NRXN3: variants seen among roughly 807,000 people sequenced by gnomAD.
NRXN3 encodes neurexin III.
In NRXN3, 32 loss-of-function variants were observed where a neutral mutation model predicts 137.6. The observed-to-expected ratio is 0.23, with a 90% CI of 0.18 to 0.31. The LOEUF is 0.31. Ranked by LOEUF, NRXN3 falls within the 10% of genes least tolerant of loss-of-function variation. NRXN3 has a pLI of 1.00. For missense variants in NRXN3, 1,574 were observed against 2,062.5 expected (o/e 0.76, Z 4.59); for synonymous variants, 798 against 784.5 (o/e 1.02, Z -0.29).
chr14:79,469,250 A>G (rs910800685), intron 16 of NRXN3, among the ~76,000 whole-genome samples: 4 of 152,210 alleles, frequency 2.6e-5, no homozygotes, highest in African/African-American at 9.6e-5. Flanking sequence ...CATGTTTTGT[A>G]GAACATCTCC....
intron 18 of NRXN3, among the ~76,000 whole-genome samples, chr14:79,695,636 A>G (rs1293622063): frequency 1.5e-5 from 2 of 132,344 alleles, no homozygotes; most frequent in Non-Finnish European, 3.1e-5. Context: ...CAGGGCTTCC[A>G]GAAAAAAAAA....
At chr14:78,651,358 A>C (rs978198392) in intron 6 of NRXN3, 32 bp downstream of exon 6, 1 of 1,604,080 alleles carries the variant, frequency 6.2e-7, no homozygotes, top group African/African-American at 1.3e-5. Flanking sequence ...TTAATGCACC[A>C]TGTGATTGTT....
At chr14:78,912,312 A>AT (rs903197205) in intron 10 of NRXN3, among the ~76,000 whole-genome samples, 55 of 149,204 alleles carry the variant, frequency 3.7e-4, no homozygotes, top group Admixed American at 1.0e-3. Context: ...ACAAATTGGT[A>AT]TTTTTTTTTA....
At chr14:78,224,750 CTTTT>C (rs35800837) in intron 1 of NRXN3, among the ~76,000 whole-genome samples, 1 of 64,828 alleles carries the variant, frequency 1.5e-5, no homozygotes, top group Non-Finnish European at 2.6e-5. Flanking sequence ...GTGCATGTGT[CTTTT>C]TTTTTTTTTT....
intron 15 of NRXN3, among the ~76,000 whole-genome samples, chr14:79,096,646 A>G (rs2050398441): frequency 6.6e-6 from 1 of 151,852 alleles, no homozygotes; most frequent in East Asian, 1.9e-4. Context: ...CAGCCACCAT[A>G]CTTGGCTCTC....
intron 15 of NRXN3, among the ~76,000 whole-genome samples, chr14:79,276,759 AT>A (rs2080348253): frequency 6.6e-6 from 1 of 151,852 alleles, no homozygotes; most frequent in Non-Finnish European, 1.5e-5. Flanking sequence ...TGGTCAGTTT[AT>A]CAACTCTGGA....
At chr14:78,709,141 C>T (rs1201318471) in intron 6 of NRXN3, 76 bp from the exon 7 acceptor site, 12 of 1,386,858 alleles carry the variant, frequency 8.7e-6, no homozygotes, top group Non-Finnish European at 9.8e-6. Flanking sequence ...GTCATTTTTC[C>T]AGGTGCCCAG....
chr14:79,724,093 T>C (rs189275035), intron 19 of NRXN3, among the ~76,000 whole-genome samples: 2 of 152,276 alleles, frequency 1.3e-5, no homozygotes, highest in East Asian at 3.9e-4. Flanking sequence ...TTTCTGCTGT[T>C]CTCAAGAGCT....
intron 10 of NRXN3, among the ~76,000 whole-genome samples, chr14:78,956,237 C>G (rs943284398): frequency 6.6e-6 from 1 of 152,166 alleles, no homozygotes; most frequent in Non-Finnish European, 1.5e-5. Flanking sequence ...AAAGAGCAAA[C>G]TTGGTCTGTC....
At chr14:78,570,548 C>A (rs969771981) in intron 4 of NRXN3, among the ~76,000 whole-genome samples, 3 of 152,116 alleles carry the variant, frequency 2.0e-5, no homozygotes, top group African/African-American at 7.2e-5. Flanking sequence ...AAGTTCAAGT[C>A]CTAAGAATAA....
At chr14:78,629,137 C>T (rs779180913) in intron 4 of NRXN3, among the ~76,000 whole-genome samples, 5 of 152,160 alleles carry the variant, frequency 3.3e-5, no homozygotes, top group Non-Finnish European at 7.3e-5. Context: ...TCATCACCCC[C>T]ATTTCAAGGG....
chr14:78,271,551 C>T (rs539747922), intron 2 of NRXN3, among the ~76,000 whole-genome samples: 2 of 152,126 alleles, frequency 1.3e-5, no homozygotes, highest in East Asian at 1.9e-4. Context: ...TGCCTCTTCT[C>T]GCAACTGTCA....
chr14:78,890,291 T>C (rs1209127742), intron 10 of NRXN3, among the ~76,000 whole-genome samples: 2 of 151,958 alleles, frequency 1.3e-5, no homozygotes, highest in Non-Finnish European at 2.9e-5. Flanking sequence ...AAAAAACACC[T>C]CTTATTGAAA....
intron 10 of NRXN3, among the ~76,000 whole-genome samples, chr14:78,816,936 C>T (rs1404106967): frequency 6.6e-6 from 1 of 152,184 alleles, no homozygotes; most frequent in Non-Finnish European, 1.5e-5. Flanking sequence ...ACATAGGGAT[C>T]ATTGTCATTC....
intron 4 of NRXN3, among the ~76,000 whole-genome samples, chr14:78,498,781 CTCTTA>C (rs1288412059): frequency 1.4e-5 from 2 of 147,534 alleles, no homozygotes; most frequent in African/African-American, 5.0e-5. Context: ...GGGTTCATAG[CTCTTA>C]TCTTTTCTTT....
intron 8 of NRXN3, among the ~76,000 whole-genome samples, chr14:78,773,714 G>A (rs532018023): frequency 6.6e-6 from 1 of 152,244 alleles, no homozygotes; most frequent in Non-Finnish European, 1.5e-5. Flanking sequence ...TCGCCAGCCT[G>A]AGAAACTAAA....
Position 79,184,982 on chromosome 14 carries a change from T to A in NRXN3, c.3262+196841T>A, listed in dbSNP as rs148950856. On this transcript the variant is annotated intron_variant, in intron 15 of 20. Coordinates refer to ENST00000335750, the MANE Select transcript of NRXN3 (RefSeq NM_001330195.2). ...GTGTCAAATTGAGTTGTGCTGTAAT[T>A]TTATTAACAAGCTTCACATCTCAGA... Among the ~76,000 whole-genome samples the A allele has an allele frequency of 4.3e-4, 65 of 152,320 alleles. No homozygotes were observed. The East Asian group carries it at 0.012, about 27-fold the overall frequency.
At chr14:79,023,717 A>G (rs914074957) in intron 15 of NRXN3, among the ~76,000 whole-genome samples, 3 of 152,078 alleles carry the variant, frequency 2.0e-5, no homozygotes, top group Admixed American at 2.0e-4. Flanking sequence ...GCAAAGGGGA[A>G]AGGCCCCTTA....
intron 1 of NRXN3, among the ~76,000 whole-genome samples, chr14:78,181,567 G>A (rs1045455424): frequency 2.0e-5 from 3 of 152,172 alleles, no homozygotes; most frequent in Admixed American, 2.0e-4. Flanking sequence ...CTTGCTTAGT[G>A]CCTTGTGTGT....
Sources: allele counts gnomAD v4.1 joint callset (sites outside exome capture counted in the v4.1 genomes callset), GRCh38; gene constraint gnomAD v4.1.1; transcripts MANE v1.5; gene names NCBI Gene and HGNC (gene_info 2026-07-23, HGNC 2026-07-21).